The following EXT1 variants were observed in gnomAD, a reference collection of about 807,000 sequenced individuals.
The protein encoded by EXT1 is exostosin-1.
A neutral mutation model predicts 82.5 loss-of-function variants in EXT1; 20 were observed. That is an observed-to-expected ratio of 0.24 (90% CI 0.17 to 0.35). The LOEUF (loss-of-function observed/expected upper bound fraction) is 0.35, where lower values mean the gene tolerates loss of function less well. Ranked by LOEUF, EXT1 falls within the 10% of genes least tolerant of loss-of-function variation. The pLI, the probability that EXT1 is intolerant of heterozygous loss-of-function variation, is 1.00. For missense variants in EXT1, 757 were observed against 936.5 expected, an observed-to-expected ratio of 0.81 and a Z score of 2.50; for synonymous variants, 348 against 350.8, an observed-to-expected ratio of 0.99 and a Z score of 0.09.
chr8:117,930,784 C>A lies in EXT1; in HGVS notation c.963-93583G>T, dbSNP rs550539745. Among the ~76,000 whole-genome samples, 100 of 152,104 alleles carry A rather than the reference C, an allele frequency of 6.6e-4. 1 individual carries two copies. The South Asian group carries it at 0.02, about 30-fold the overall frequency. Reference sequence around the variant, plus strand: ...AGGTTAGTTGTGTTTAGTCATAGGGCGAGATAGGAGATCAGCAGGATACAT... The same window carrying A: ...AGGTTAGTTGTGTTTAGTCATAGGGAGAGATAGGAGATCAGCAGGATACAT... On this transcript the variant is annotated intron_variant, in intron 1 of 10. Coordinates refer to ENST00000378204, the MANE Select transcript of EXT1 (RefSeq NM_000127.3).
chr8:117,941,220 A>G (rs1814266466), intron 1 of EXT1, among the ~76,000 whole-genome samples: 1 of 152,256 alleles, frequency 6.6e-6, no homozygotes, highest in African/African-American at 2.4e-5. Flanking sequence ...ATGTGCAGGC[A>G]ATCCAGGCAT....
chr8:118,059,460 T>C (rs925738374), intron 1 of EXT1, among the ~76,000 whole-genome samples: 1 of 152,158 alleles, frequency 6.6e-6, no homozygotes, highest in Non-Finnish European at 1.5e-5. Flanking sequence ...GTCCAGCTTG[T>C]CTTTGCTTTC....
chr8:118,019,271 G>GAAAA (rs1816058402), intron 1 of EXT1, among the ~76,000 whole-genome samples: 1 of 151,982 alleles, frequency 6.6e-6, no homozygotes, highest in Non-Finnish European at 1.5e-5. Context: ...AAGAAAGAAA[G>GAAAA]AAAGAAAGAA....
intron 1 of EXT1, among the ~76,000 whole-genome samples, chr8:117,988,948 C>G (rs1347178971): frequency 6.6e-6 from 1 of 150,626 alleles, no homozygotes; most frequent in Non-Finnish European, 1.5e-5. Context: ...AAAAATCTGA[C>G]AGGTGCAGTG....
At chr8:117,854,123 T>A (rs1044585222) in intron 1 of EXT1, among the ~76,000 whole-genome samples, 10 of 152,212 alleles carry the variant, frequency 6.6e-5, no homozygotes, top group African/African-American at 1.7e-4. Flanking sequence ...TGGTGACAAG[T>A]CCTTCCCATT....
In EXT1 at chr8:117,794,944, G is replaced by A. The variant is rs998933762; in HGVS notation, c.*4768C>T. The A allele has an allele frequency of 6.6e-6, 1 of 152,098 alleles. No individual in the cohort carries two copies. Among genetic ancestry groups the A allele is most frequent in the Non-Finnish European group, 1.5e-5 (1 of 68,028 alleles). 9.4% of individuals were successfully genotyped at this position (152,098 alleles called of 1,614,324 possible). A position where few individuals can be genotyped will look rare whatever the true frequency, so the allele number is the denominator to read the frequency against. On this transcript the variant is annotated 3_prime_UTR_variant, in exon 11 of 11. Coordinates refer to ENST00000378204, the MANE Select transcript of EXT1 (RefSeq NM_000127.3). ...TTGTTCTCTCAAAATAAGTACACAA[G>A]GTTCATTACATGGTAACCAGGTCAT...
intron 8 of EXT1, among the ~76,000 whole-genome samples, chr8:117,810,339 G>C (rs947671545): frequency 6.6e-6 from 1 of 152,154 alleles, no homozygotes; most frequent in African/African-American, 2.4e-5. Context: ...TCCTTGCCCA[G>C]GACCATTTTA....
At chr8:117,945,742 A>T (rs766640496) in intron 1 of EXT1, among the ~76,000 whole-genome samples, 3 of 151,970 alleles carry the variant, frequency 2.0e-5, no homozygotes, top group Non-Finnish European at 4.4e-5. Flanking sequence ...ACCTCAAATG[A>T]TCTGTCCGTC....
intron 1 of EXT1, among the ~76,000 whole-genome samples, chr8:118,074,636 T>C (rs766847691): frequency 4.6e-5 from 7 of 151,172 alleles, no homozygotes; most frequent in Non-Finnish European, 8.8e-5. Flanking sequence ...CCCGGGGCTT[T>C]GGGATCCGGC....
chr8:118,079,247 T>A (rs1817266096), intron 1 of EXT1, among the ~76,000 whole-genome samples: 1 of 152,204 alleles, frequency 6.6e-6, no homozygotes, highest in Non-Finnish European at 1.5e-5. Context: ...TCTTTAAAAA[T>A]AATCAACTAT....
chr8:118,087,894 T>G (rs1173273964), intron 1 of EXT1, among the ~76,000 whole-genome samples: 1 of 103,144 alleles, frequency 9.7e-6, no homozygotes, highest in African/African-American at 3.8e-5. Context: ...GATTGTGTTA[T>G]ACAAAACAAA....
chr8:118,074,223 TCAC>T (rs1817162028), intron 1 of EXT1, among the ~76,000 whole-genome samples: 1 of 152,110 alleles, frequency 6.6e-6, no homozygotes, highest in East Asian at 1.9e-4. Flanking sequence ...TTTTCTGAGA[TCAC>T]CACCACAAAA....
chr8:117,807,099 G>T, intron 9 of EXT1, 118 bp downstream of exon 9: 3 of 1,229,490 alleles, frequency 2.4e-6, no homozygotes, highest in Non-Finnish European at 3.6e-6. Flanking sequence ...ACTTAAGCGG[G>T]GATACAGACT....
intron 1 of EXT1, among the ~76,000 whole-genome samples, chr8:118,049,903 A>G (rs1462695844): frequency 2.6e-5 from 4 of 152,048 alleles, no homozygotes; most frequent in African/African-American, 9.7e-5. Flanking sequence ...ACAGGGCTCA[A>G]AATGTCACCT....
intron 1 of EXT1, among the ~76,000 whole-genome samples, chr8:117,858,686 AAAG>A (rs1812610068): frequency 6.7e-6 from 1 of 149,406 alleles, no homozygotes; most frequent in Admixed American, 6.7e-5. Flanking sequence ...TCAAAAAAAA[AAAG>A]AAGAAAGAAA....
intron 1 of EXT1, among the ~76,000 whole-genome samples, chr8:118,022,651 G>A (rs930326124): frequency 1.3e-4 from 20 of 151,128 alleles, no homozygotes; most frequent in Non-Finnish European, 2.5e-4. Flanking sequence ...AAAAAAAAAA[G>A]ATATATTATT....
intron 1 of EXT1, among the ~76,000 whole-genome samples, chr8:118,066,452 C>T (rs199707890): frequency 3.3e-5 from 5 of 151,786 alleles, no homozygotes; most frequent in African/African-American, 9.7e-5. Context: ...CTCCGCCTCC[C>T]GGTTCAAGCG....
intron 1 of EXT1, among the ~76,000 whole-genome samples, chr8:117,890,277 G>C (rs573502130): frequency 1.3e-5 from 2 of 152,276 alleles, no homozygotes; most frequent in Non-Finnish European, 2.9e-5. Flanking sequence ...CAATAGTAGT[G>C]GTCCTCAACC....
intron 1 of EXT1, among the ~76,000 whole-genome samples, chr8:118,078,509 T>C (rs1449951582): frequency 6.6e-6 from 1 of 152,140 alleles, no homozygotes; most frequent in Non-Finnish European, 1.5e-5. Flanking sequence ...ACTTTTCCTT[T>C]TTAAATTTTA....
Sources: allele counts gnomAD v4.1 joint callset (sites outside exome capture counted in the v4.1 genomes callset), GRCh38; gene constraint gnomAD v4.1.1; transcripts MANE v1.5; gene names NCBI Gene and HGNC (gene_info 2026-07-23, HGNC 2026-07-21).